The following SLC38A9 variants were observed in gnomAD, a reference collection of about 807,000 sequenced individuals.
SLC38A9 encodes solute carrier family 38 member 9.
SLC38A9 carries 48 observed loss-of-function variants against 62.3 expected under a neutral mutation model. The observed-to-expected ratio is 0.77, with a 90% CI of 0.61 to 0.98. SLC38A9 has a LOEUF of 0.98. Among genes scored for constraint, SLC38A9 ranks in the 50% least tolerant of loss-of-function variants. The pLI is 0.00. For missense variants in SLC38A9, 541 were observed against 679.8 expected (o/e 0.80, Z 2.27); for synonymous variants, 204 against 227.7 (o/e 0.90, Z 0.94).
At chr5:55,651,557 A>G (rs1747486766) in intron 10 of SLC38A9, among the ~76,000 whole-genome samples, 1 of 152,004 alleles carries the variant, frequency 6.6e-6, no homozygotes. Context: ...CCCTTTTGCC[A>G]TCTTAAGTGG....
chr5:55,648,285 T>C (rs975826160), intron 11 of SLC38A9, among the ~76,000 whole-genome samples: 3 of 152,216 alleles, frequency 2.0e-5, no homozygotes, highest in Non-Finnish European at 4.4e-5. Flanking sequence ...CCATTTGTTA[T>C]TGATAGACAT....
At chr5:55,633,526 C>T (rs562522283) in intron 14 of SLC38A9, 2 of 477,326 alleles carry the variant, frequency 4.2e-6, no homozygotes, top group South Asian at 3.9e-5. Flanking sequence ...TAAATGGTAT[C>T]GGAGCTAATT....
At chr5:55,656,045 T>C (rs1355790588) in intron 9 of SLC38A9, among the ~76,000 whole-genome samples, 1 of 152,122 alleles carries the variant, frequency 6.6e-6, no homozygotes, top group Non-Finnish European at 1.5e-5. Context: ...TAAGTTAAAC[T>C]GAGAACTATG....
chr5:55,706,707 G>A (rs1435960995), intron 2 of SLC38A9, among the ~76,000 whole-genome samples: 1 of 152,128 alleles, frequency 6.6e-6, no homozygotes, highest in Non-Finnish European at 1.5e-5. Context: ...AAGTAAATAT[G>A]AAGAACTGTA....
intron 7 of SLC38A9, among the ~76,000 whole-genome samples, chr5:55,668,835 A>G (rs950505766): frequency 9.2e-5 from 14 of 152,344 alleles, no homozygotes; most frequent in African/African-American, 3.4e-4. Flanking sequence ...TTCTAGTTAT[A>G]ATTTCTACTT....
intron 3 of SLC38A9, among the ~76,000 whole-genome samples, chr5:55,678,976 T>G (rs1296571493): frequency 6.6e-6 from 1 of 152,144 alleles, no homozygotes; most frequent in Non-Finnish European, 1.5e-5. Context: ...AAACTTTGAA[T>G]CAGTTTAAAT....
At chr5:55,670,380 C>T (rs567199271) in intron 4 of SLC38A9, among the ~76,000 whole-genome samples, 12 of 151,950 alleles carry the variant, frequency 7.9e-5, no homozygotes, top group African/African-American at 2.9e-4. Flanking sequence ...TTTTAAAAAC[C>T]CAAAATAATT....
At chr5:55,631,231 A>C (rs1461863658) in intron 14 of SLC38A9, among the ~76,000 whole-genome samples, 2 of 152,178 alleles carry the variant, frequency 1.3e-5, no homozygotes, top group East Asian at 3.9e-4. Flanking sequence ...TCCTCAATAC[A>C]TTTTTAAGAG....
At chr5:55,648,662 A>G (rs942445284) in intron 11 of SLC38A9, among the ~76,000 whole-genome samples, 9 of 152,234 alleles carry the variant, frequency 5.9e-5, no homozygotes, top group African/African-American at 1.9e-4. Flanking sequence ...ACTTCAGAAA[A>G]GATGAAATCC....
chr5:55,683,656 A>G (rs1420315257), intron 3 of SLC38A9, among the ~76,000 whole-genome samples: 2 of 152,324 alleles, frequency 1.3e-5, no homozygotes, highest in East Asian at 3.9e-4. Flanking sequence ...AATACAATAT[A>G]TATTTTTCTG....
chr5:55,662,542 C>T (rs1349238242), intron 8 of SLC38A9, among the ~76,000 whole-genome samples: 2 of 151,782 alleles, frequency 1.3e-5, no homozygotes, highest in Non-Finnish European at 2.9e-5. Flanking sequence ...TGGTGGTGCA[C>T]GCCTATGATC....
intron 3 of SLC38A9, among the ~76,000 whole-genome samples, chr5:55,681,017 T>A (rs1752926340): frequency 6.6e-6 from 1 of 152,346 alleles, no homozygotes; most frequent in East Asian, 1.9e-4. Context: ...ATATGAGATA[T>A]TTTAGGAAAA....
In SLC38A9 at chr5:55,688,278, G is replaced by C. The variant is rs1754219490; in HGVS notation, c.113+9568C>G. On this transcript the variant is annotated intron_variant, in intron 3 of 15. Transcript: ENST00000396865. ...TTCTCTTGCCTGATTGCTCTGGCCAGAACTTCCAATACTATGTTGAATAGG... is the reference window on the plus strand; with the variant it reads ...TTCTCTTGCCTGATTGCTCTGGCCACAACTTCCAATACTATGTTGAATAGG... 2.0e-5 allele frequency among the ~76,000 whole-genome samples: 3 copies of C among 151,858 alleles called. No individual in the cohort carries two copies. In the South Asian group the frequency reaches 6.2e-4, roughly 31 times the overall value.
At position 55,669,297 on chromosome 5, in the gene SLC38A9, C is replaced by A; in HGVS notation, c.457G>T (p.Val153Phe). Residue 153 changes from valine (V) to phenylalanine (F), a missense_variant, in exon 7 of 16, where the codon GTC becomes TTC. By Grantham distance (50) the Val-to-Phe change is conservative. Coordinates refer to ENST00000396865, the MANE Select transcript of SLC38A9 (RefSeq NM_173514.4). ...KQAGFTTGMC[V>F]IILMGLLTLY... ...GTTAAAAGGCCCATCAGTATGATGA[C>A]ACACATTCCAGTAGTAAATCCAGCC... is the stretch of plus-strand genomic sequence containing the variant. 3 of 1,612,882 alleles carry A rather than the reference C, an allele frequency of 1.9e-6. No homozygotes were observed. The highest frequency in any genetic ancestry group is 2.5e-6 in the Non-Finnish European group (3 of 1,179,542).
intron 11 of SLC38A9, among the ~76,000 whole-genome samples, chr5:55,648,602 A>G (rs1272755890): frequency 6.6e-6 from 1 of 152,210 alleles, no homozygotes; most frequent in Non-Finnish European, 1.5e-5. Flanking sequence ...AAGAACTCCT[A>G]TAAATCAGTA....
intron 4 of SLC38A9, among the ~76,000 whole-genome samples, chr5:55,672,186 T>C (rs189331944): frequency 1.5e-4 from 23 of 152,232 alleles, no homozygotes; most frequent in Non-Finnish European, 1.3e-4. Flanking sequence ...TCTAAAAAAA[T>C]ATTTCCCTTA....
At position 55,689,349 on chromosome 5, in the gene SLC38A9, TC is replaced by T. The variant is rs552078631; in HGVS notation, c.113+8496del. 1.7e-3 allele frequency among the ~76,000 whole-genome samples: 262 copies of T among 152,264 alleles called. 1 individual carries two copies. Among genetic ancestry groups the T allele is most frequent in the Non-Finnish European group, 2.7e-3 (185 of 68,012 alleles). The stretch of plus-strand genomic sequence containing the variant: ...TCAGGCAAGCCAAAGATGCATAATC[TC>T]AATGTGTAATTTTCACACCAATTCC... On this transcript the variant is annotated intron_variant, in intron 3 of 15. Coordinates refer to ENST00000396865, the MANE Select transcript of SLC38A9 (RefSeq NM_173514.4).
rs113818161 is a variant in SLC38A9 at position 55,637,668 on chromosome 5, A to C, written c.1168-2011T>G. On this transcript the variant is annotated intron_variant, in intron 12 of 15. Transcript: ENST00000396865. The stretch of plus-strand genomic sequence containing the variant: ...TAGGAGGAACTTGGTAAATGTAGAT[A>C]AAGAATAATAGCCACACTGGCTTTA... Among the ~76,000 whole-genome samples, 655 of 152,364 alleles carry C rather than the reference A, an allele frequency of 4.3e-3. 5 individuals carry two copies. Among genetic ancestry groups the C allele is most frequent in the African/African-American group, 0.015 (633 of 41,590 alleles).
chr5:55,677,593 G>A (rs1241933889), intron 3 of SLC38A9, among the ~76,000 whole-genome samples: 6 of 152,034 alleles, frequency 3.9e-5, no homozygotes, highest in Admixed American at 6.6e-5. Context: ...CTAGAGTACC[G>A]TGGTGCGCTG....
Sources: gnomAD v4.1 joint callset for allele counts (sites outside exome capture counted in the v4.1 genomes callset) on GRCh38, gnomAD v4.1.1 for gene constraint, MANE v1.5 for transcripts, NCBI Gene and HGNC (gene_info 2026-07-23, HGNC 2026-07-21) for gene names.